Variants in CTNNA3 observed in about 807,000 individuals in gnomAD.
CTNNA3 encodes catenin alpha 3, also known as catenin alpha-3.
A neutral mutation model predicts 95.7 loss-of-function variants in CTNNA3; 76 were observed. The ratio of observed to expected loss-of-function variants is 0.79; its 90% CI spans 0.66 to 0.96. The LOEUF is 0.96. Among genes scored for constraint, CTNNA3 ranks in the 40% least tolerant of loss-of-function variants. CTNNA3 has a pLI of 0.00. For synonymous variants in CTNNA3, 431 were observed against 374.4 expected, an observed-to-expected ratio of 1.15 and a Z score of -1.74; for missense variants, 1,191 against 1,089.8, an observed-to-expected ratio of 1.09 and a Z score of -1.31.
At position 66,455,310 on chromosome 10, in the gene CTNNA3, A is replaced by C. The variant is rs76419515; in HGVS notation, c.1531+65307T>G. On this transcript the variant is annotated intron_variant, in intron 11 of 17. Coordinates refer to ENST00000433211, the MANE Select transcript of CTNNA3 (RefSeq NM_013266.4). The stretch of plus-strand genomic sequence containing the variant: ...AGAAATAAAAACTTAAAATGAAGAA[A>C]TATAACTGTCCCTATTTACAAGTGA... 0.018 allele frequency among the ~76,000 whole-genome samples: 2,751 copies of C among 152,274 alleles called. 196 individuals are homozygous for C. The East Asian group carries it at 0.24, about 13-fold the overall frequency.
rs115199461 is a variant in CTNNA3 at position 66,004,260 on chromosome 10, T to C, written c.2160-15463A>G. On this transcript the variant is annotated intron_variant, in intron 15 of 17. Transcript: ENST00000433211. ...ACAGAAACAAGATATTCCCAGCCGT[T>C]GTTCTAAGTGGGTCTGATTAAAACA... is the stretch of plus-strand genomic sequence containing the variant. Among the ~76,000 whole-genome samples the C allele has an allele frequency of 7.3e-3, 1,118 of 152,336 alleles. 19 individuals are homozygous for C. Among genetic ancestry groups the C allele is most frequent in the African/African-American group, 0.026 (1,064 of 41,574 alleles).
At chr10:67,737,137 G>T (rs1841307334) in intron 1 of CTNNA3, among the ~76,000 whole-genome samples, 1 of 151,896 alleles carries the variant, frequency 6.6e-6, no homozygotes, top group South Asian at 2.1e-4. Context: ...CTAATTTCAA[G>T]TACCTTTTTA....
In CTNNA3 at chr10:66,222,217, A is replaced by G. The variant is rs149170798; in HGVS notation, c.1884+58253T>C. On this transcript the variant is annotated intron_variant, in intron 13 of 17. Transcript: ENST00000433211. ...TCTTTTCTTCTTTGATTTTACTTCT[A>G]CATCACTTTTTGTTTTTATTCATAT... Among the ~76,000 whole-genome samples, 250 of 152,200 alleles carry G rather than the reference A, an allele frequency of 1.6e-3. 1 individual carries two copies. The highest frequency in any genetic ancestry group is 5.5e-3 in the African/African-American group (228 of 41,546).
intron 7 of CTNNA3, among the ~76,000 whole-genome samples, chr10:66,849,700 C>G (rs1843413924): frequency 6.6e-6 from 1 of 152,022 alleles, no homozygotes; most frequent in African/African-American, 2.4e-5. Context: ...TAGGGAGGGT[C>G]AAGGAAGAAT....
At chr10:66,513,453 G>A (rs1385218023) in intron 11 of CTNNA3, among the ~76,000 whole-genome samples, 3 of 152,148 alleles carry the variant, frequency 2.0e-5, no homozygotes, top group Non-Finnish European at 4.4e-5. Context: ...TGGAGATGGG[G>A]CCTCCAGGCA....
chr10:66,048,019 G>C (rs575369016), intron 15 of CTNNA3, among the ~76,000 whole-genome samples: 3 of 152,058 alleles, frequency 2.0e-5, no homozygotes, highest in East Asian at 3.9e-4. Flanking sequence ...TGGACAGAAA[G>C]AATCAACATT....
chr10:66,620,655 T>C (rs1012664672), intron 10 of CTNNA3, among the ~76,000 whole-genome samples: 7 of 152,184 alleles, frequency 4.6e-5, no homozygotes, highest in South Asian at 2.1e-4. Flanking sequence ...TGGAGTTTCA[T>C]AGAAAATTGA....
Position 67,693,430 on chromosome 10 carries a change from A to G in CTNNA3, c.-6+2570T>C, listed in dbSNP as rs35050885. 0.033 allele frequency among the ~76,000 whole-genome samples: 5,076 copies of G among 152,266 alleles called. 597 individuals carry two copies. The East Asian group carries it at 0.44, about 13-fold the overall frequency. On this transcript the variant is annotated intron_variant, in intron 1 of 17. Coordinates refer to ENST00000433211, the MANE Select transcript of CTNNA3 (RefSeq NM_013266.4). Reference sequence around the variant, plus strand: ...AAATAAACACTATTTTCAAGTTTTCATTACAAAGCGCATAATTTCTCTTCA... The same window carrying G: ...AAATAAACACTATTTTCAAGTTTTCGTTACAAAGCGCATAATTTCTCTTCA...
chr10:67,146,927 T>G (rs753054236), intron 7 of CTNNA3, among the ~76,000 whole-genome samples: 6 of 152,192 alleles, frequency 3.9e-5, no homozygotes, highest in Non-Finnish European at 8.8e-5. Context: ...TACAGTAACA[T>G]GCTGTACAGA....
intron 5 of CTNNA3, among the ~76,000 whole-genome samples, chr10:67,358,719 G>T (rs1187253802): frequency 6.6e-6 from 1 of 152,056 alleles, no homozygotes; most frequent in Non-Finnish European, 1.5e-5. Flanking sequence ...AGGACCAGTG[G>T]GTCGTCAGAG....
chr10:67,495,552 G>A (rs947872057), intron 5 of CTNNA3, among the ~76,000 whole-genome samples: 3 of 152,138 alleles, frequency 2.0e-5, no homozygotes, highest in African/African-American at 7.2e-5. Flanking sequence ...TGGTAGACCA[G>A]CACAAAAACA....
intron 11 of CTNNA3, among the ~76,000 whole-genome samples, chr10:66,510,437 T>A (rs1411850991): frequency 1.3e-5 from 2 of 151,904 alleles, no homozygotes; most frequent in African/African-American, 2.4e-5. Context: ...CTATGTTGAA[T>A]AAGAGTAGTG....
At chr10:67,459,972 A>C (rs1847315215) in intron 5 of CTNNA3, among the ~76,000 whole-genome samples, 1 of 152,146 alleles carries the variant, frequency 6.6e-6, no homozygotes, top group African/African-American at 2.4e-5. Flanking sequence ...TGCTTTTCTC[A>C]CATTGTTATC....
intron 11 of CTNNA3, among the ~76,000 whole-genome samples, chr10:66,446,947 T>C (rs1331259094): frequency 6.6e-6 from 1 of 151,716 alleles, no homozygotes; most frequent in African/African-American, 2.4e-5. Context: ...GCCCAAAATC[T>C]CCTTAAGCTG....
At chr10:66,507,229 A>G (rs1840480070) in intron 11 of CTNNA3, among the ~76,000 whole-genome samples, 2 of 152,140 alleles carry the variant, frequency 1.3e-5, no homozygotes, top group African/African-American at 4.8e-5. Context: ...ATTTTACTTG[A>G]CACATAATAA....
intron 9 of CTNNA3, among the ~76,000 whole-genome samples, chr10:66,674,504 C>T (rs1846778002): frequency 6.6e-6 from 1 of 151,718 alleles, no homozygotes; most frequent in Admixed American, 6.6e-5. Flanking sequence ...AGATAATGTG[C>T]AATAATCTTC....
intron 9 of CTNNA3, among the ~76,000 whole-genome samples, chr10:66,686,475 T>A (rs1283523344): frequency 6.6e-6 from 1 of 152,102 alleles, no homozygotes; most frequent in Non-Finnish European, 1.5e-5. Flanking sequence ...AAAATATATA[T>A]TTTTTCCCAT....
At chr10:66,838,021 G>C (rs908783162) in intron 7 of CTNNA3, among the ~76,000 whole-genome samples, 1 of 151,910 alleles carries the variant, frequency 6.6e-6, no homozygotes, top group Non-Finnish European at 1.5e-5. Context: ...TTCATTATTC[G>C]TCTTCTCCCT....
At chr10:66,144,459 T>C (rs1242405471) in intron 13 of CTNNA3, among the ~76,000 whole-genome samples, 5 of 152,076 alleles carry the variant, frequency 3.3e-5, no homozygotes. Flanking sequence ...GAAAAATATA[T>C]GGTGTTGGCT....
Sources: gnomAD v4.1 joint callset for allele counts (sites outside exome capture counted in the v4.1 genomes callset) on GRCh38, gnomAD v4.1.1 for gene constraint, MANE v1.5 for transcripts, NCBI Gene and HGNC (gene_info 2026-07-23, HGNC 2026-07-21) for gene names.